RAPGEF4: variants seen among roughly 807,000 people sequenced by gnomAD.
The protein encoded by RAPGEF4 is Rap guanine nucleotide exchange factor 4.
Under a neutral mutation model 147.9 loss-of-function variants are expected in RAPGEF4, and 66 were observed. That is an observed-to-expected ratio of 0.45 (90% CI 0.37 to 0.55). RAPGEF4 has a LOEUF of 0.55. Ranked by LOEUF, RAPGEF4 falls within the 20% of genes least tolerant of loss-of-function variation. The probability of loss-of-function intolerance (pLI) is 0.00; values close to 1 mark genes in which losing one functional copy is unlikely to be tolerated. For synonymous variants in RAPGEF4, 419 were observed against 442.7 expected, an observed-to-expected ratio of 0.95 and a Z score of 0.67; for missense variants, 1,071 against 1,257.3, an observed-to-expected ratio of 0.85 and a Z score of 2.24.
chr2:172,820,690 T>A (rs1443807433), intron 4 of RAPGEF4, among the ~76,000 whole-genome samples: 2 of 152,162 alleles, frequency 1.3e-5, no homozygotes, highest in African/African-American at 2.4e-5. Context: ...GTGGTAAAAA[T>A]AAGAAAGTGC....
At chr2:172,779,865 C>T (rs538817933) in intron 1 of RAPGEF4, among the ~76,000 whole-genome samples, 7 of 152,150 alleles carry the variant, frequency 4.6e-5, no homozygotes, top group East Asian at 3.9e-4. Context: ...GTAATATTTG[C>T]GTGTATATTT....
At chr2:172,907,851 A>G (rs1699773595) in intron 4 of RAPGEF4, among the ~76,000 whole-genome samples, 2 of 152,146 alleles carry the variant, frequency 1.3e-5, no homozygotes, top group African/African-American at 4.8e-5. Context: ...ATCCAGAACC[A>G]TTTACTAAGT....
chr2:172,806,914 CAT>C (rs1687549432), intron 3 of RAPGEF4, among the ~76,000 whole-genome samples: 2 of 152,168 alleles, frequency 1.3e-5, no homozygotes, highest in Non-Finnish European at 2.9e-5. Flanking sequence ...ATTTGAAGAA[CAT>C]GTGTGTTTCG....
intron 10 of RAPGEF4, among the ~76,000 whole-genome samples, chr2:172,972,620 C>A (rs371530936): frequency 3.3e-5 from 5 of 152,166 alleles, no homozygotes; most frequent in Non-Finnish European, 7.4e-5. Flanking sequence ...TTAAGTAGGT[C>A]ATTTCTCTGC....
rs147797644 is a variant in RAPGEF4, at chr2:172,920,860, T to C, written c.518-1421T>C. On this transcript the variant is annotated intron_variant, in intron 5 of 30. Transcript: ENST00000397081. ...TGATTTGGGATGAGCTTCAGAGTGC[T>C]GACCTGAGGCCATCCTTCCTCTTTC... 1.4e-3 allele frequency among the ~76,000 whole-genome samples: 213 copies of C among 152,262 alleles called. 2 individuals carry two copies. The highest frequency in any genetic ancestry group is 4.9e-3 in the African/African-American group (203 of 41,562).
chr2:172,843,917 A>G (rs1691886925), intron 4 of RAPGEF4, among the ~76,000 whole-genome samples: 1 of 152,226 alleles, frequency 6.6e-6, no homozygotes, highest in Non-Finnish European at 1.5e-5. Flanking sequence ...ACAGAAGTAG[A>G]TCTGTTTCTG....
At chr2:172,762,532 A>AC (rs1245489150) in intron 1 of RAPGEF4, among the ~76,000 whole-genome samples, 1 of 152,104 alleles carries the variant, frequency 6.6e-6, no homozygotes, top group Non-Finnish European at 1.5e-5. Flanking sequence ...ATTTTTTGGA[A>AC]CCCCAAAGGC....
At chr2:172,944,162 G>C (rs972161224) in intron 6 of RAPGEF4, among the ~76,000 whole-genome samples, 1 of 152,134 alleles carries the variant, frequency 6.6e-6, no homozygotes, top group African/African-American at 2.4e-5. Context: ...TTCTGTTCTT[G>C]GTAAATGCAC....
At chr2:172,921,271 T>G (rs1684729152) in intron 5 of RAPGEF4, among the ~76,000 whole-genome samples, 1 of 152,028 alleles carries the variant, frequency 6.6e-6, no homozygotes, top group Non-Finnish European at 1.5e-5. Context: ...TAGTTTTTTG[T>G]GGAGACAGGC....
At chr2:172,769,605 C>T (rs182681913) in intron 1 of RAPGEF4, among the ~76,000 whole-genome samples, 105 of 152,178 alleles carry the variant, frequency 6.9e-4, no homozygotes, top group Non-Finnish European at 1.3e-3. Flanking sequence ...TGCTGCTCCC[C>T]AGGTGCTCTC....
intron 4 of RAPGEF4, among the ~76,000 whole-genome samples, chr2:172,863,499 A>T (rs1171547838): frequency 5.3e-5 from 8 of 152,184 alleles, no homozygotes; most frequent in Admixed American, 2.6e-4. Context: ...CACTGAGGGG[A>T]TACAAATAGT....
At chr2:172,835,656 A>ATTAAC (rs55823119) in intron 4 of RAPGEF4, among the ~76,000 whole-genome samples, 147,963 of 152,146 alleles carry the variant, frequency 0.97, 72,083 homozygotes, top group East Asian at 1. Context: ...ATAACCTGAT[A>ATTAAC]TTAAATATGT....
At chr2:172,980,338 C>A (rs1393450887) in intron 10 of RAPGEF4, among the ~76,000 whole-genome samples, 1 of 152,092 alleles carries the variant, frequency 6.6e-6, no homozygotes, top group East Asian at 1.9e-4. Flanking sequence ...CCTTGGAACT[C>A]AGGAAAGAGG....
chr2:172,988,567 T>C (rs1414604719), intron 13 of RAPGEF4, 126 bp from the exon 14 acceptor site: 1 of 1,176,992 alleles, frequency 8.5e-7, no homozygotes, highest in Non-Finnish European at 1.2e-6. Context: ...TAATCCCCTT[T>C]GGCATCGCTA....
intron 4 of RAPGEF4, among the ~76,000 whole-genome samples, chr2:172,912,371 A>G (rs1176408997): frequency 6.6e-6 from 1 of 152,156 alleles, no homozygotes; most frequent in Non-Finnish European, 1.5e-5. Flanking sequence ...GGTTACTGTG[A>G]TATAGCATCC....
chr2:172,901,674 A>T (rs1442125604), intron 4 of RAPGEF4, among the ~76,000 whole-genome samples: 1 of 152,214 alleles, frequency 6.6e-6, no homozygotes, highest in African/African-American at 2.4e-5. Flanking sequence ...TCCATCAACC[A>T]TGAGGGGTGC....
intron 4 of RAPGEF4, among the ~76,000 whole-genome samples, chr2:172,895,215 C>G (rs764413885): frequency 1.3e-5 from 2 of 152,112 alleles, no homozygotes; most frequent in South Asian, 2.1e-4. Flanking sequence ...TCCTTGATTC[C>G]GTGTCCTGTT....
chr2:172,859,973 C>T, intron 4 of RAPGEF4: 1 of 946,406 alleles, frequency 1.1e-6, no homozygotes, highest in African/African-American at 1.8e-5. Context: ...GACTGCCTGG[C>T]AATTGTTTCA....
chr2:172,892,538 T>G (rs1698041190), intron 4 of RAPGEF4, among the ~76,000 whole-genome samples: 1 of 152,192 alleles, frequency 6.6e-6, no homozygotes, highest in Non-Finnish European at 1.5e-5. Flanking sequence ...TTGAGAAGTT[T>G]TATGGGGGCA....
Sources: allele counts gnomAD v4.1 joint callset (sites outside exome capture counted in the v4.1 genomes callset), GRCh38; gene constraint gnomAD v4.1.1; transcripts MANE v1.5; gene names NCBI Gene and HGNC (gene_info 2026-07-23, HGNC 2026-07-21).